Variants in DGKQ observed in about 807,000 individuals in gnomAD.
DGKQ encodes the protein DAG kinase theta.
Under a neutral mutation model 104.2 loss-of-function variants are expected in DGKQ, and 97 were observed. The observed-to-expected ratio is 0.93, with a 90% CI of 0.79 to 1.10. The LOEUF is 1.10. Ranked by LOEUF, DGKQ falls within the 50% of genes least tolerant of loss-of-function variation. The pLI is 0.00. For missense variants in DGKQ, 1,465 were observed against 1,352.1 expected (o/e 1.08, Z -1.31); for synonymous variants, 736 against 595.2 (o/e 1.24, Z -3.44).
chr4:966,830 C>G (rs760284922), intron 10 of DGKQ, 28 bp from the exon 11 acceptor site: 4 of 1,599,670 alleles, frequency 2.5e-6, no homozygotes, highest in Non-Finnish European at 3.4e-6. Context: ...GGCATCGGGT[C>G]TGGGCAGGCC....
Position 961,969 on chromosome 4 carries a change from G to A in DGKQ, c.2315+13C>T, listed in dbSNP as rs1327741524. 2 of 1,612,694 alleles carry A rather than the reference G, an allele frequency of 1.2e-6. No individual in the cohort carries two copies. The highest frequency in any genetic ancestry group is 8.5e-7 in the Non-Finnish European group (1 of 1,179,588). ...ATGCCGTTGACAGGTGGTAGCCCCTGCGGCTCCGGTACCTGCTTGTGAACT... is the reference window on the plus strand; with the variant it reads ...ATGCCGTTGACAGGTGGTAGCCCCTACGGCTCCGGTACCTGCTTGTGAACT... On this transcript the variant is annotated intron_variant, in intron 19 of 22. Coordinates refer to ENST00000273814, the MANE Select transcript of DGKQ (RefSeq NM_001347.4).
intron 18 of DGKQ, 40 bp downstream of exon 18, chr4:962,395 C>T (rs1283248280): frequency 6.6e-7 from 1 of 1,518,708 alleles, no homozygotes; most frequent in East Asian, 2.5e-5. Context: ...GGGTCATATG[C>T]AGGAGCCTGG....
In DGKQ at chr4:960,667, CCCTGGTGGTCCCGGCCCTCCTCGGCTT is replaced by C. The variant is rs1560509665; in HGVS notation, c.2755_2781del (p.Lys919_Arg927del). On this transcript the variant is annotated inframe_deletion, in exon 23 of 23. Transcript: ENST00000273814. The stretch of plus-strand genomic sequence containing the variant: ...GCAGGCGCAGCATCCGCCCGGGCAT[CCCTGGTGGTCCCGGCCCTCCTCGGCTT>C]CTGCTTGGCCTTCCTCAGCATGTGC... 6.2e-7 allele frequency: 1 copy of C among 1,612,342 alleles called. No homozygotes were observed. The highest frequency in any genetic ancestry group is 1.3e-5 in the African/African-American group (1 of 75,036).
In DGKQ at chr4:965,276, T is replaced by A; in HGVS notation, c.1634A>T (p.Asp545Val). The A allele has an allele frequency of 6.2e-7, 1 of 1,612,512 alleles. No homozygotes were observed. The highest frequency in any genetic ancestry group is 8.5e-7 in the Non-Finnish European group (1 of 1,179,838). ...IYSSQGAVVL[D>V]VACFAEAERL... ...CTCGGCCTCCGCAAAGCAGGCAACG[T>A]CCAACACTACCGCGCCTGCGGCAGG... is the stretch of plus-strand genomic sequence containing the variant. Residue 545 changes from aspartate (D) to valine (V), a missense_variant, in exon 15 of 23, where the codon GAC (aspartate) becomes GTC (valine). Physicochemically the swap from Asp to Val is radical, Grantham distance 152. Transcript: ENST00000273814.
At chr4:965,102 T>C in intron 15 of DGKQ, 74 bp downstream of exon 15, 1 of 1,179,562 alleles carries the variant, frequency 8.5e-7, no homozygotes, top group Non-Finnish European at 1.3e-6. Flanking sequence ...GTGGGGCCTG[T>C]GCACCTGCAG....
In DGKQ at chr4:967,559, T is replaced by G. The variant is rs1295281872; in HGVS notation, c.977A>C (p.Glu326Ala). 1 of 1,612,338 alleles carries G rather than the reference T, an allele frequency of 6.2e-7. No homozygotes were observed. The highest frequency in any genetic ancestry group is 8.5e-7 in the Non-Finnish European group (1 of 1,179,722). The stretch of plus-strand genomic sequence containing the variant: ...CAGCCTCCCCCTTACCAGCACCTCC[T>G]CGGCACCGGCCAGGCGGGACACCGT... Reference protein sequence around the residue: ...LVTVSRLAGAEEVLEAALRAH... With the variant: ...LVTVSRLAGAAEVLEAALRAH... Residue 326 changes from glutamate to alanine, a missense_variant, in exon 8 of 23, where the codon GAG becomes GCG. Physicochemically the swap from Glu to Ala is moderately radical, Grantham distance 107 (BLOSUM62 -1). Transcript: ENST00000273814.
rs779561908 is a variant in DGKQ, at chr4:971,092, G to A, written c.272-20C>T. On this transcript the variant is annotated intron_variant, in intron 1 of 22. Transcript: ENST00000273814. This position sits in a 1 kb window ranked among gnomAD's most constrained non-coding sequence, Gnocchi z 4.0. ...TGCAGACTGTGGGAATGAGCACTGT[G>A]TGAGTTGGCCCCTGTCCTACCCAAT... The A allele has an allele frequency of 5.2e-6, 8 of 1,546,890 alleles. No homozygotes were observed. Among genetic ancestry groups the A allele is most frequent in the Non-Finnish European group, 7.0e-6 (8 of 1,142,352 alleles).
In DGKQ at chr4:961,851, GTCACCCA is replaced by G. The variant is rs1408652136; in HGVS notation, c.2316-24_2316-18del. Reference sequence around the variant, plus strand: ...TTGTGCAGCCTGCAGGACGGGGCAGGTCACCCATCACCAGGGGAAGCCCTACCCCGCC... The same window carrying G: ...TTGTGCAGCCTGCAGGACGGGGCAGGTCACCAGGGGAAGCCCTACCCCGCC... On this transcript the variant is annotated intron_variant, in intron 19 of 22. Transcript: ENST00000273814. 13 of 1,592,202 alleles carry G rather than the reference GTCACCCA, an allele frequency of 8.2e-6. No homozygotes were observed. The highest frequency in any genetic ancestry group is 1.1e-5 in the Non-Finnish European group (13 of 1,168,722).
rs115340330 is a variant in DGKQ, at chr4:965,791, G to C, written c.1579+137C>G. The C allele has an allele frequency of 4.6e-4, 476 of 1,038,748 alleles. 1 individual carries two copies. The African/African-American group carries it at 6.2e-3, about 14-fold the overall frequency. 64.3% of individuals were successfully genotyped at this position (1,038,748 alleles called of 1,614,324 possible). ...GAGGCTCCAGAGCCTCTTGGAGGAA[G>C]AGACGTGGGCTGGACCCGGAGCTCA... On this transcript the variant is annotated intron_variant, in intron 13 of 22. Coordinates refer to ENST00000273814, the MANE Select transcript of DGKQ (RefSeq NM_001347.4).
chr4:973,409 C>T lies in DGKQ; in HGVS notation c.74G>A (p.Cys25Tyr). The change falls in exon 1 of 23, where the codon TGC becomes TAC. Residue 25 changes from cysteine to tyrosine, a missense_variant. Coordinates refer to ENST00000273814, the MANE Select transcript of DGKQ (RefSeq NM_001347.4). ...GCCTCCTGAGCCCAGCACGGGGCTGCAGGCCGGGCTGCCGGGGCGCGGGGA... is the reference window on the plus strand; with the variant it reads ...GCCTCCTGAGCCCAGCACGGGGCTGTAGGCCGGGCTGCCGGGGCGCGGGGA... ...GGSPRPGSPACSPVLGSGGRA... is the reference protein window; with the variant it reads ...GGSPRPGSPAYSPVLGSGGRA... 9.9e-7 allele frequency: 1 copy of T among 1,010,430 alleles called. No homozygotes were observed. The allele number at this position is 1,010,430 out of a possible 1,614,324, so 62.6% of individuals were successfully genotyped here.
chr4:962,677 C>T, intron 17 of DGKQ, 64 bp from the exon 18 acceptor site: 9 of 1,589,780 alleles, frequency 5.7e-6, no homozygotes, highest in Non-Finnish European at 7.7e-6. Flanking sequence ...GGGTGCAGAC[C>T]CCACCACGAG....
chr4:964,430 G>A (rs533385211), intron 15 of DGKQ, among the ~76,000 whole-genome samples: 3 of 152,188 alleles, frequency 2.0e-5, no homozygotes, highest in Non-Finnish European at 2.9e-5. Flanking sequence ...AGAGGCCAAT[G>A]TGAAGGCACG....
intron 1 of DGKQ, 69 bp downstream of exon 1, chr4:973,143 C>G (rs1713068552): frequency 1.4e-6 from 2 of 1,393,446 alleles, no homozygotes; most frequent in South Asian, 3.0e-5. Context: ...GTGCCACCTC[C>G]GCTCAGGCTC....
In DGKQ at chr4:968,002, A is replaced by G; in HGVS notation, c.689T>C (p.Leu230Pro). The G allele has an allele frequency of 1.4e-6, 2 of 1,453,978 alleles. No homozygotes were observed. Among genetic ancestry groups the G allele is most frequent in the Non-Finnish European group, 1.8e-6 (2 of 1,112,138 alleles). The allele number at this position is 1,453,978 out of a possible 1,614,324, so 90.1% of individuals were successfully genotyped here. A position where few individuals can be genotyped will look rare whatever the true frequency, so the allele number is the denominator to read the frequency against. The part of the protein sequence containing the change: ...VQAHSLCSAA[L>P]APECGFGRLR... ...ACGCCCGAAGCCACACTCGGGAGCC[A>G]GCGCCGCGGAGCAGAGGGAGTGCGC... is the stretch of plus-strand genomic sequence containing the variant. The change falls in exon 6 of 23, where the codon CTG becomes CCG. Residue 230 changes from leucine to proline, a missense_variant. By Grantham distance (98) the Leu-to-Pro change is moderately conservative. Transcript: ENST00000273814.
At position 971,047 on chromosome 4, in the gene DGKQ, C is replaced by T; in HGVS notation, c.297G>A (p.Lys99=). 1 of 1,557,992 alleles carries T rather than the reference C, an allele frequency of 6.4e-7. No individual in the cohort carries two copies. Residue 99 remains lysine (K), a synonymous_variant, in exon 2 of 23, where the codon AAG becomes AAA. Transcript: ENST00000273814. This position sits in a 1 kb window ranked among gnomAD's most constrained non-coding sequence, Gnocchi z 4.0. ...ACGGGATCCTCACGTGCTTCAGGCA[C>T]TTCTCATGAGACATGAAATTGCAGA... ...CDVCNFMSHE[K]CLKHVRIPCT... is the part of the protein sequence containing the mutation.
chr4:967,724 T>C lies in DGKQ; in HGVS notation c.886+4A>G, dbSNP rs558046518. The C allele has an allele frequency of 6.2e-6, 10 of 1,611,564 alleles. No individual in the cohort carries two copies. In the South Asian group the frequency reaches 9.9e-5, roughly 16 times the overall value. On this transcript the variant is annotated splice_donor_region_variant and intron_variant, in intron 7 of 22. Coordinates refer to ENST00000273814, the MANE Select transcript of DGKQ (RefSeq NM_001347.4). ...GAGTTGGGGGGAATGAGGCGGGCAC[T>C]TACCGGACTCCGGAGTTGCCTGTGT...
chr4:960,790 C>G, intron 22 of DGKQ, 69 bp from the exon 23 acceptor site: 1 of 1,573,504 alleles, frequency 6.4e-7, no homozygotes, highest in East Asian at 2.3e-5. Flanking sequence ...CGGGCAGCCC[C>G]CGGTCCTGGG....
chr4:973,105 C>A (rs1713064884), intron 1 of DGKQ, 107 bp downstream of exon 1: 2 of 1,310,636 alleles, frequency 1.5e-6, no homozygotes, highest in East Asian at 3.3e-5. Context: ...GGGCTGGGAC[C>A]CCGCCCTCCA....
Position 965,943 on chromosome 4 carries a change from C to G in DGKQ, c.1564G>C (p.Ala522Pro), listed in dbSNP as rs1560514661. The change falls in exon 13 of 23, where the codon GCC (alanine) becomes CCC (proline). Residue 522 changes from alanine (A) to proline (P), a missense_variant. By Grantham distance (27) the Ala-to-Pro change is conservative (BLOSUM62 -1). Coordinates refer to ENST00000273814, the MANE Select transcript of DGKQ (RefSeq NM_001347.4). ...PEEYSSLLHE[A>P]GATKATVVSV... ...GTGGTCACACCTTTGGTAGCCCCGG[C>G]CTCATGCAGCAGGCTGCTGTACTCC... is the stretch of plus-strand genomic sequence containing the variant. 3 of 1,603,856 alleles carry G rather than the reference C, an allele frequency of 1.9e-6. No individual in the cohort carries two copies. Among genetic ancestry groups the G allele is most frequent in the Non-Finnish European group, 2.6e-6 (3 of 1,175,662 alleles).
Sources: allele counts gnomAD v4.1 joint callset (sites outside exome capture counted in the v4.1 genomes callset), GRCh38; gene constraint gnomAD v4.1.1; non-coding constraint Gnocchi (gnomAD v3.1); transcripts MANE v1.5; gene names NCBI Gene and HGNC (gene_info 2026-07-23, HGNC 2026-07-21).